The following WDR59 variants were observed in gnomAD, a reference collection of about 807,000 sequenced individuals.
The protein encoded by WDR59 is WD repeat domain 59.
WDR59 carries 100 observed loss-of-function variants against 131.2 expected under a neutral mutation model. That is an observed-to-expected ratio of 0.76 (90% CI 0.65 to 0.90). The LOEUF is 0.90. WDR59 is among the 40% of genes least tolerant of loss of function. The probability of loss-of-function intolerance (pLI) is 0.00; values close to 1 mark genes in which losing one functional copy is unlikely to be tolerated. For missense variants in WDR59, 1,203 were observed against 1,262.2 expected, an observed-to-expected ratio of 0.95 and a Z score of 0.71; for synonymous variants, 601 against 466.2, an observed-to-expected ratio of 1.29 and a Z score of -3.72.
intron 2 of WDR59, among the ~76,000 whole-genome samples, chr16:74,964,516 T>C (rs1401182829): frequency 1.3e-5 from 2 of 152,202 alleles, no homozygotes; most frequent in East Asian, 3.8e-4. Context: ...GAAGGAAATT[T>C]ACTTTTCATT....
At chr16:74,938,863 A>C (rs1356670836) in intron 7 of WDR59, among the ~76,000 whole-genome samples, 1 of 151,328 alleles carries the variant, frequency 6.6e-6, no homozygotes, top group Admixed American at 6.6e-5. Context: ...GCAGTCTGAC[A>C]ATTCCCACTC....
intron 20 of WDR59, among the ~76,000 whole-genome samples, chr16:74,892,012 T>TA (rs1965068431): frequency 6.6e-6 from 1 of 152,150 alleles, no homozygotes; most frequent in African/African-American, 2.4e-5. Context: ...GTTAAGCCGT[T>TA]TAAAAAAATA....
At chr16:74,936,066 C>T (rs1323021886) in intron 8 of WDR59, among the ~76,000 whole-genome samples, 1 of 151,964 alleles carries the variant, frequency 6.6e-6, no homozygotes, top group African/African-American at 2.4e-5. Context: ...CCAAAAATCT[C>T]ATTTCATTAA....
chr16:74,882,804 T>C (rs1465327611), intron 25 of WDR59, among the ~76,000 whole-genome samples: 2 of 37,210 alleles, frequency 5.4e-5, no homozygotes, highest in African/African-American at 2.1e-4. Context: ...AGCAACACTG[T>C]CTCAAAAAAA....
At chr16:74,979,285 A>G (rs2034305709) in intron 1 of WDR59, among the ~76,000 whole-genome samples, 1 of 151,676 alleles carries the variant, frequency 6.6e-6, no homozygotes, top group African/African-American at 2.4e-5. Context: ...TAACACAGTG[A>G]AACCCCATCT....
chr16:74,914,079 G>A (rs1966241797), intron 13 of WDR59, among the ~76,000 whole-genome samples: 1 of 152,290 alleles, frequency 6.6e-6, no homozygotes, highest in East Asian at 1.9e-4. Flanking sequence ...GAGCGTGGTG[G>A]CGTGCGCCCA....
intron 2 of WDR59, among the ~76,000 whole-genome samples, chr16:74,958,872 G>A (rs1025550290): frequency 2.6e-5 from 4 of 151,714 alleles, no homozygotes; most frequent in East Asian, 3.9e-4. Flanking sequence ...AGACTAGCCC[G>A]ACCAACATGG....
chr16:74,979,404 T>C (rs942625676), intron 1 of WDR59, among the ~76,000 whole-genome samples: 2 of 151,554 alleles, frequency 1.3e-5, no homozygotes, highest in African/African-American at 4.8e-5. Context: ...AGGCGGAGCT[T>C]ACAGTGAGCC....
chr16:74,948,311 A>C, intron 6 of WDR59, among the ~76,000 whole-genome samples: 1 of 152,234 alleles, frequency 6.6e-6, no homozygotes, highest in Non-Finnish European at 1.5e-5. Context: ...CACACCCAAC[A>C]GTCCTAACTG....
intron 2 of WDR59, among the ~76,000 whole-genome samples, chr16:74,960,380 G>A (rs763780041): frequency 6.6e-6 from 1 of 151,756 alleles, no homozygotes; most frequent in Non-Finnish European, 1.5e-5. Flanking sequence ...CAAAACTGAC[G>A]AGGCCAGAAG....
At chr16:74,983,884 T>A (rs1597835563) in intron 1 of WDR59, among the ~76,000 whole-genome samples, 1 of 117,472 alleles carries the variant, frequency 8.5e-6, no homozygotes, top group African/African-American at 2.6e-5. Flanking sequence ...GAGGCTGAGG[T>A]GGGAGGATAG....
chr16:74,915,628 C>T lies in WDR59; in HGVS notation c.1224+242G>A, dbSNP rs142660529. The stretch of plus-strand genomic sequence containing the variant: ...ACAGGGTTTCACCATGTTGGCCAGG[C>T]TGGTCTCAAACTCCTGGCTTCCTGG... On this transcript the variant is annotated intron_variant, in intron 13 of 25. Coordinates refer to ENST00000262144, the MANE Select transcript of WDR59 (RefSeq NM_030581.4). The T allele has an allele frequency of 4.1e-3, 1,426 of 349,150 alleles. 18 individuals are homozygous for T. The highest frequency in any genetic ancestry group is 0.027 in the African/African-American group (1,289 of 47,554). The allele number at this position is 349,150 out of a possible 1,614,324, so 21.6% of individuals were successfully genotyped here.
chr16:74,889,924 G>T, intron 20 of WDR59, 109 bp from the exon 21 acceptor site: 2 of 728,444 alleles, frequency 2.7e-6, no homozygotes, highest in Non-Finnish European at 4.4e-6. Context: ...TGCTACATTG[G>T]GGGCAGCAAA....
chr16:74,980,569 G>T (rs535455823), intron 1 of WDR59, among the ~76,000 whole-genome samples: 2 of 151,892 alleles, frequency 1.3e-5, no homozygotes, highest in Non-Finnish European at 2.9e-5. Flanking sequence ...GGCCAGGCTG[G>T]TCTCAAACTC....
chr16:74,899,821 T>C (rs1965463151), intron 18 of WDR59: 1 of 1,139,888 alleles, frequency 8.8e-7, no homozygotes, highest in Middle Eastern at 2.5e-4. Flanking sequence ...AAGGGAAAAA[T>C]ATAGAATAAA....
intron 1 of WDR59, among the ~76,000 whole-genome samples, chr16:74,973,672 G>A (rs1390615792): frequency 6.6e-6 from 1 of 152,230 alleles, no homozygotes; most frequent in Non-Finnish European, 1.5e-5. Context: ...CAATAGGGGT[G>A]TTGCTCAGGA....
intron 3 of WDR59, 79 bp downstream of exon 3, chr16:74,956,396 T>C: frequency 2.6e-6 from 4 of 1,539,982 alleles, no homozygotes; most frequent in Admixed American, 2.0e-5. Flanking sequence ...TGCATTCTCT[T>C]CTCTACACAG....
chr16:74,936,700 T>C (rs2145072997), intron 8 of WDR59, among the ~76,000 whole-genome samples: 1 of 151,918 alleles, frequency 6.6e-6, no homozygotes, highest in African/African-American at 2.4e-5. Context: ...ATGGCGTGCA[T>C]CTGTAATCCC....
At chr16:74,910,862 T>A (rs2144932802) in intron 14 of WDR59, among the ~76,000 whole-genome samples, 1 of 152,140 alleles carries the variant, frequency 6.6e-6, no homozygotes, top group Admixed American at 6.5e-5. Context: ...AGCCTCCGCC[T>A]CCCAGGTTCA....
Sources: gnomAD v4.1 joint callset for allele counts (sites outside exome capture counted in the v4.1 genomes callset) on GRCh38, gnomAD v4.1.1 for gene constraint, MANE v1.5 for transcripts, NCBI Gene and HGNC (gene_info 2026-07-23, HGNC 2026-07-21) for gene names.